NFKBIZ: variants seen among roughly 807,000 people sequenced by gnomAD.
The protein encoded by NFKBIZ is NF-kappa-B inhibitor zeta.
Under a neutral mutation model 76.8 loss-of-function variants are expected in NFKBIZ, and 19 were observed. The observed-to-expected ratio is 0.25, with a 90% CI of 0.17 to 0.36. The LOEUF is 0.36. Ranked by LOEUF, NFKBIZ falls within the 10% of genes least tolerant of loss-of-function variation. The pLI, the probability that NFKBIZ is intolerant of heterozygous loss-of-function variation, is 1.00. For missense variants in NFKBIZ, 829 were observed against 910.9 expected (o/e 0.91, Z 1.16); for synonymous variants, 368 against 354.8 (o/e 1.04, Z -0.42).
upstream of NFKBIZ, chr3:101,849,485 A>T: frequency 4.6e-6 from 3 of 658,018 alleles, no homozygotes; most frequent in South Asian, 6.7e-5. Context: ...GCGGCCCGTT[A>T]AATACCCTGG....
chr3:101,833,547 C>T (rs1326590061), intron 2 of NFKBIZ, among the ~76,000 whole-genome samples: 4 of 152,062 alleles, frequency 2.6e-5, no homozygotes, highest in Non-Finnish European at 4.4e-5. Context: ...AAAGGAGGTG[C>T]GTTTAATTTG....
chr3:101,832,524 T>G (rs1942660510), intron 2 of NFKBIZ, among the ~76,000 whole-genome samples: 1 of 152,218 alleles, frequency 6.6e-6, no homozygotes, highest in Non-Finnish European at 1.5e-5. Context: ...TCTATGAATT[T>G]GATGACTCTA....
chr3:101,852,646 TA>T, intron 2 of NFKBIZ, 91 bp from the exon 3 acceptor site: 1 of 813,214 alleles, frequency 1.2e-6, no homozygotes, highest in Non-Finnish European at 2.0e-6. Flanking sequence ...TATGGTAAGC[TA>T]TAAAGGGTGG....
At chr3:101,832,241 A>G (rs1223594182) in intron 2 of NFKBIZ, among the ~76,000 whole-genome samples, 4 of 152,190 alleles carry the variant, frequency 2.6e-5, no homozygotes, top group African/African-American at 7.2e-5. Context: ...CTGGCTTCAT[A>G]TTTATTTCAG....
chr3:101,855,392 C>T lies in NFKBIZ; in HGVS notation c.1591-3C>T. ...AACAGATGTCTGTTTTTAAAATCTG[C>T]AGGCGATTCAGAAGGGAGCAGTGGG... On this transcript the variant is annotated splice_polypyrimidine_tract_variant and splice_region_variant and intron_variant, in intron 7 of 11. Transcript: ENST00000326172. 6.2e-7 allele frequency: 1 copy of T among 1,614,112 alleles called. No homozygotes were observed. The highest frequency in any genetic ancestry group is 1.1e-5 in the South Asian group (1 of 91,072).
intron 2 of NFKBIZ, among the ~76,000 whole-genome samples, chr3:101,835,787 C>G (rs1401992598): frequency 6.6e-6 from 1 of 152,136 alleles, no homozygotes; most frequent in Admixed American, 6.5e-5. Context: ...ACCATTCAGT[C>G]CATAACAGAT....
intron 2 of NFKBIZ, among the ~76,000 whole-genome samples, chr3:101,840,777 G>A (rs1009517197): frequency 9.2e-5 from 14 of 152,116 alleles, no homozygotes; most frequent in African/African-American, 3.4e-4. Context: ...GCCCATCAGG[G>A]GACAGACCTT....
upstream of NFKBIZ, among the ~76,000 whole-genome samples, chr3:101,847,038 T>C (rs779532840): frequency 1.9e-4 from 29 of 152,258 alleles, no homozygotes; most frequent in Non-Finnish European, 3.1e-4. Flanking sequence ...CTCAAGAAGA[T>C]AGCTTCAGGC....
In NFKBIZ at chr3:101,853,252, C is replaced by G. The variant is rs754544527; in HGVS notation, c.726C>G (p.Pro242=). Residue 242 remains proline (P), a synonymous_variant, in exon 5 of 12, where the codon CCC becomes CCG. Transcript: ENST00000326172. ...LNTVQVSWLN[P]VVVPQSSPAE... ...CAGTTCAAGTTAGCTGGCTGAACCC[C>G]GTGGTGGTCCCTCAGAGCTCCCCCG... 1 of 1,614,166 alleles carries G rather than the reference C, an allele frequency of 6.2e-7. No individual in the cohort carries two copies. The highest frequency in any genetic ancestry group is 8.5e-7 in the Non-Finnish European group (1 of 1,180,020).
In NFKBIZ at chr3:101,850,844, G is replaced by T. The variant is rs545267922; in HGVS notation, c.289+927G>T. Among the ~76,000 whole-genome samples, 9 of 152,328 alleles carry T rather than the reference G, an allele frequency of 5.9e-5. No individual in the cohort carries two copies. In the East Asian group the frequency reaches 1.3e-3, roughly 23 times the overall value. On this transcript the variant is annotated intron_variant, in intron 1 of 11. Coordinates refer to ENST00000326172, the MANE Select transcript of NFKBIZ (RefSeq NM_031419.4). The stretch of plus-strand genomic sequence containing the variant: ...GAAAAGCGATTTAAACCACTGCGTA[G>T]CAGATCCAGAAAGAATATGTGTTTA...
At chr3:101,849,303 A>T (rs1262530797), upstream of NFKBIZ, 1 of 227,704 alleles carries the variant, frequency 4.4e-6, no homozygotes, top group Non-Finnish European at 8.5e-6. Flanking sequence ...GCAGGCAAAC[A>T]ACCGGTCGGT....
At position 101,849,831 on chromosome 3, in the gene NFKBIZ, C is replaced by T. The variant is rs889464150; in HGVS notation, c.203C>T (p.Ser68Phe). The stretch of plus-strand genomic sequence containing the variant: ...CCCGGCTCGCCCGGCTCCGACTCCT[C>T]CGACTTCTCCTCTGCCTCGTCGGTG... ...SAPGSPGSDS[S>F]DFSSASSVSS... The change falls in exon 1 of 12, where the codon TCC (serine) becomes TTC (phenylalanine). Residue 68 changes from serine to phenylalanine, a missense_variant. Around this residue, in one of 4 missense-constraint regions of NFKBIZ, gnomAD observed 181 missense variants for 175.3 expected, o/e 1.03. Transcript: ENST00000326172. 2.0e-6 allele frequency: 3 copies of T among 1,474,102 alleles called. No homozygotes were observed. Among genetic ancestry groups the T allele is most frequent in the Non-Finnish European group, 2.7e-6 (3 of 1,120,372 alleles). The allele number at this position is 1,474,102 out of a possible 1,614,324, so 91.3% of individuals were successfully genotyped here. A position where few individuals can be genotyped will look rare whatever the true frequency, so the allele number is the denominator to read the frequency against.
At chr3:101,837,795 C>G (rs968271338) in intron 2 of NFKBIZ, among the ~76,000 whole-genome samples, 1 of 152,150 alleles carries the variant, frequency 6.6e-6, no homozygotes, top group African/African-American at 2.4e-5. Context: ...GGGAAGAGGA[C>G]ACTCTGCAGG....
At chr3:101,836,209 A>T (rs571212806) in intron 2 of NFKBIZ, among the ~76,000 whole-genome samples, 1 of 152,200 alleles carries the variant, frequency 6.6e-6, no homozygotes, top group Non-Finnish European at 1.5e-5. Flanking sequence ...CAGAGCTAGT[A>T]ATAGGAATCA....
rs150574816 is a variant in NFKBIZ at position 101,854,189 on chromosome 3, A to C, written c.1337+326A>C. On this transcript the variant is annotated intron_variant, in intron 5 of 11. Coordinates refer to ENST00000326172, the MANE Select transcript of NFKBIZ (RefSeq NM_031419.4). ...AGATCATGATTAGGGATAAACTGTG[A>C]GTTGGTTTGTAGATTGATCTTAATC... Among the ~76,000 whole-genome samples the C allele has an allele frequency of 9.5e-3, 1,445 of 152,306 alleles. 25 individuals carry two copies. Among genetic ancestry groups the C allele is most frequent in the African/African-American group, 0.033 (1,375 of 41,560 alleles).
At chr3:101,852,654 G>A (rs193259422) in intron 2 of NFKBIZ, 84 bp from the exon 3 acceptor site, 52 of 861,616 alleles carry the variant, frequency 6.0e-5, no homozygotes, top group Middle Eastern at 3.6e-4. Context: ...GCTATAAAGG[G>A]TGGTAGAGAT....
At chr3:101,836,852 T>C (rs1942727152) in intron 2 of NFKBIZ, among the ~76,000 whole-genome samples, 1 of 152,246 alleles carries the variant, frequency 6.6e-6, no homozygotes, top group Non-Finnish European at 1.5e-5. Context: ...ACATCATTTC[T>C]TTATGACAAA....
intron 2 of NFKBIZ, among the ~76,000 whole-genome samples, chr3:101,831,684 T>C (rs77845189): frequency 0.064 from 9,651 of 151,546 alleles, 321 homozygotes; most frequent in Middle Eastern, 0.12. Flanking sequence ...CTGTCGCCCA[T>C]GGTTGGAGTG....
At chr3:101,832,028 C>T (rs536094783) in intron 2 of NFKBIZ, among the ~76,000 whole-genome samples, 1 of 152,272 alleles carries the variant, frequency 6.6e-6, no homozygotes, top group African/African-American at 2.4e-5. Context: ...CCTGCCTTAG[C>T]CTCATCAGTA....
Sources: gnomAD v4.1 joint callset for allele counts (sites outside exome capture counted in the v4.1 genomes callset) on GRCh38, gnomAD v4.1.1 for gene constraint, gnomAD v4.1.1 regional missense constraint, MANE v1.5 for transcripts, NCBI Gene and HGNC (gene_info 2026-07-23, HGNC 2026-07-21) for gene names.